NDST4: variants seen among roughly 807,000 people sequenced by gnomAD.
NDST4 encodes the protein N-heparan sulfate sulfotransferase 4.
In NDST4, 63 loss-of-function variants were observed where a neutral mutation model predicts 100.8. The ratio of observed to expected loss-of-function variants is 0.62; its 90% CI spans 0.51 to 0.77. The LOEUF (loss-of-function observed/expected upper bound fraction) is 0.77, where lower values mean the gene tolerates loss of function less well. NDST4 is among the 30% of genes least tolerant of loss of function. The pLI, the probability that NDST4 is intolerant of heterozygous loss-of-function variation, is 0.00. For missense variants in NDST4, 943 were observed against 1,018.4 expected (o/e 0.93, Z 1.01); for synonymous variants, 377 against 361.8 (o/e 1.04, Z -0.48).
chr4:114,913,751 CA>C (rs1725111462), intron 6 of NDST4, among the ~76,000 whole-genome samples: 1 of 129,226 alleles, frequency 7.7e-6, no homozygotes, highest in Non-Finnish European at 1.7e-5. Context: ...AAAAAAAAAA[CA>C]CTTTTATTTC....
At chr4:115,107,915 A>G (rs1729863014) in intron 1 of NDST4, among the ~76,000 whole-genome samples, 1 of 152,060 alleles carries the variant, frequency 6.6e-6, no homozygotes, top group African/African-American at 2.4e-5. Flanking sequence ...CAATTTTAGC[A>G]TTATTTCTAT....
intron 2 of NDST4, among the ~76,000 whole-genome samples, chr4:114,999,697 T>C (rs566683888): frequency 5.8e-4 from 88 of 152,134 alleles, no homozygotes; most frequent in African/African-American, 2.0e-3. Flanking sequence ...TTTATTTTCT[T>C]GCTGAGAATT....
chr4:115,070,444 A>G (rs781533701), intron 2 of NDST4, among the ~76,000 whole-genome samples: 1 of 152,122 alleles, frequency 6.6e-6, no homozygotes, highest in Non-Finnish European at 1.5e-5. Flanking sequence ...TAAGGGCCAC[A>G]GGAATATTAA....
chr4:114,838,097 T>C (rs1723341446), intron 11 of NDST4, among the ~76,000 whole-genome samples: 1 of 152,144 alleles, frequency 6.6e-6, no homozygotes, highest in Admixed American at 6.5e-5. Context: ...ATTAGAGAAA[T>C]GCAAATCAAA....
chr4:115,061,896 A>T (rs1728832339), intron 2 of NDST4, among the ~76,000 whole-genome samples: 1 of 152,110 alleles, frequency 6.6e-6, no homozygotes, highest in Admixed American at 6.6e-5. Flanking sequence ...AATGATATTA[A>T]ATGCTTATAT....
chr4:115,083,609 C>G (rs1283813489), intron 1 of NDST4, among the ~76,000 whole-genome samples: 2 of 152,184 alleles, frequency 1.3e-5, no homozygotes, highest in Non-Finnish European at 2.9e-5. Context: ...ACCCAAATCT[C>G]ATCTTGAATT....
rs767176966 is a variant in NDST4, at chr4:114,870,963, TA to T, written c.1537-14del. The T allele has an allele frequency of 6.3e-7, 1 of 1,588,480 alleles. No individual in the cohort carries two copies. The highest frequency in any genetic ancestry group is 2.3e-5 in the East Asian group (1 of 43,646). On this transcript the variant is annotated splice_polypyrimidine_tract_variant and intron_variant, in intron 6 of 13. Coordinates refer to ENST00000264363, the MANE Select transcript of NDST4 (RefSeq NM_022569.3). Reference sequence around the variant, plus strand: ...TGAAAATGCTGATCTGAAAGATAAATAAAAATGACCACAAAAATATCATATG... The same window carrying T: ...TGAAAATGCTGATCTGAAAGATAAATAAAATGACCACAAAAATATCATATG...
intron 2 of NDST4, among the ~76,000 whole-genome samples, chr4:115,046,857 C>A (rs1380120566): frequency 2.0e-5 from 3 of 151,904 alleles, no homozygotes; most frequent in African/African-American, 4.8e-5. Flanking sequence ...CCACTGAGAG[C>A]AAATCAAAGA....
At chr4:114,981,988 C>T (rs142780568) in intron 2 of NDST4, among the ~76,000 whole-genome samples, 82 of 152,226 alleles carry the variant, frequency 5.4e-4, no homozygotes, top group Admixed American at 3.8e-3. Flanking sequence ...AGAGTTCTCA[C>T]GAGATCTGGT....
At position 114,883,975 on chromosome 4, in the gene NDST4, T is replaced by G. The variant is rs1724425612; in HGVS notation, c.1537-13025A>C. 1.3e-5 allele frequency among the ~76,000 whole-genome samples: 2 copies of G among 152,072 alleles called. 1 individual carries two copies. Among genetic ancestry groups the G allele is most frequent in the East Asian group, 3.8e-4 (2 of 5,196 alleles). On this transcript the variant is annotated intron_variant, in intron 6 of 13. Coordinates refer to ENST00000264363, the MANE Select transcript of NDST4 (RefSeq NM_022569.3). ...GCTCATCTACAGAGTTGGGGACCCCTGGTCTACAAGACACTCCCTACAAAA... is the reference window on the plus strand; with the variant it reads ...GCTCATCTACAGAGTTGGGGACCCCGGGTCTACAAGACACTCCCTACAAAA...
At chr4:114,930,339 G>T (rs35423038) in intron 6 of NDST4, among the ~76,000 whole-genome samples, 28,213 of 152,034 alleles carry the variant, frequency 0.19, 3,945 homozygotes, top group African/African-American at 0.39. Context: ...GCATCCATGC[G>T]CCTGTTCCAA....
intron 7 of NDST4, among the ~76,000 whole-genome samples, chr4:114,865,551 A>G (rs981791382): frequency 6.6e-6 from 1 of 152,218 alleles, no homozygotes; most frequent in African/African-American, 2.4e-5. Flanking sequence ...GAACTTATCA[A>G]ATGTTTCTGT....
At chr4:115,016,654 A>G (rs938216481) in intron 2 of NDST4, among the ~76,000 whole-genome samples, 4 of 151,966 alleles carry the variant, frequency 2.6e-5, no homozygotes, top group African/African-American at 9.7e-5. Flanking sequence ...ATTGGATAGT[A>G]CTCCACAATG....
At chr4:114,852,887 G>T (rs1440487389) in intron 7 of NDST4, 66 bp from the exon 8 acceptor site, 2 of 1,142,658 alleles carry the variant, frequency 1.8e-6, no homozygotes, top group African/African-American at 1.6e-5. Flanking sequence ...TCTAAAAATT[G>T]TTCAAAAGAT....
At chr4:114,865,113 G>A (rs1354144373) in intron 7 of NDST4, among the ~76,000 whole-genome samples, 1 of 149,648 alleles carries the variant, frequency 6.7e-6, no homozygotes, top group African/African-American at 2.5e-5. Context: ...CACCCAGGCT[G>A]GAGTGCAGTG....
At chr4:114,946,022 G>A (rs1042530862) in intron 4 of NDST4, among the ~76,000 whole-genome samples, 1 of 152,144 alleles carries the variant, frequency 6.6e-6, no homozygotes, top group Admixed American at 6.5e-5. Context: ...TGAACTTTCC[G>A]ATCCTAAGTA....
At chr4:114,968,378 T>C (rs960473169) in intron 4 of NDST4, among the ~76,000 whole-genome samples, 1 of 152,208 alleles carries the variant, frequency 6.6e-6, no homozygotes, top group African/African-American at 2.4e-5. Context: ...TATGTCCCAC[T>C]GGGTGAAGAT....
intron 2 of NDST4, among the ~76,000 whole-genome samples, chr4:115,003,565 T>C (rs1239736803): frequency 2.6e-5 from 4 of 152,074 alleles, no homozygotes; most frequent in Non-Finnish European, 5.9e-5. Flanking sequence ...GACTGTATTC[T>C]TTTTTAAAAA....
rs138192613 is a variant in NDST4, at chr4:115,022,216, C to T, written c.979-44942G>A. On this transcript the variant is annotated intron_variant, in intron 2 of 13. Coordinates refer to ENST00000264363, the MANE Select transcript of NDST4 (RefSeq NM_022569.3). The stretch of plus-strand genomic sequence containing the variant: ...TATATACACGTTCCACGTCTATGCA[C>T]GTTCCATATATATATACGTTCCACG... 2.9e-3 allele frequency among the ~76,000 whole-genome samples: 432 copies of T among 148,410 alleles called. 5 individuals are homozygous for T. The highest frequency in any genetic ancestry group is 0.01 in the African/African-American group (414 of 39,912).
Sources: allele counts gnomAD v4.1 joint callset (sites outside exome capture counted in the v4.1 genomes callset), GRCh38; gene constraint gnomAD v4.1.1; transcripts MANE v1.5; gene names NCBI Gene and HGNC (gene_info 2026-07-23, HGNC 2026-07-21).